LIME1: variants seen among roughly 807,000 people sequenced by gnomAD.
The protein encoded by LIME1 is Lck interacting transmembrane adaptor 1, also known as lck-interacting transmembrane adapter 1.
A neutral mutation model predicts 18.8 loss-of-function variants in LIME1; 23 were observed. That is an observed-to-expected ratio of 1.22 (90% CI 0.88 to 1.73). The LOEUF (loss-of-function observed/expected upper bound fraction) is 1.73. Ranked by LOEUF, LIME1 falls within the 40% of genes most tolerant of loss-of-function variation. LIME1 has a pLI of 0.00. For synonymous variants in LIME1, 177 were observed against 182.3 expected, an observed-to-expected ratio of 0.97 and a Z score of 0.23; for missense variants, 423 against 396.8, an observed-to-expected ratio of 1.07 and a Z score of -0.56.
At position 63,739,018 on chromosome 20, in the gene LIME1, G is replaced by T. The variant is rs549424555; in HGVS notation, c.*118G>T. 3.2e-6 allele frequency: 3 copies of T among 925,856 alleles called. No individual in the cohort carries two copies. Among genetic ancestry groups the T allele is most frequent in the African/African-American group, 3.4e-5 (2 of 58,948 alleles). The allele number at this position is 925,856 out of a possible 1,614,324, so 57.4% of individuals were successfully genotyped here. A position where few individuals can be genotyped will look rare whatever the true frequency, so the allele number is the denominator to read the frequency against. On this transcript the variant is annotated 3_prime_UTR_variant, in exon 6 of 6. Coordinates refer to ENST00000309546, the MANE Select transcript of LIME1 (RefSeq NM_017806.4). ...GGCTGCCAGCCCGTGAGGTCCGTGA[G>T]GTCCTGGCCGCTCTGACAGCCGCGG...
rs2092020428 is a variant in LIME1 at position 63,738,392 on chromosome 20, G to T, written c.478G>T (p.Ala160Ser). 8 of 1,556,188 alleles carry T rather than the reference G, an allele frequency of 5.1e-6. No individual in the cohort carries two copies. The highest frequency in any genetic ancestry group is 6.9e-6 in the Non-Finnish European group (8 of 1,151,292). Residue 160 changes from alanine to serine, a missense_variant, in exon 5 of 6, where the codon GCC becomes TCC. Transcript: ENST00000309546. ...LAALPGVSLAASPVVAEYARV... is the reference protein window; with the variant it reads ...LAALPGVSLASSPVVAEYARV... ...GGCCCTTCCCGGGGTCAGCCTGGCG[G>T]CCAGCCCTGTGGTGGCCGAGTATGC...
chr20:63,737,567 CTGGG>C lies in LIME1; in HGVS notation c.19_22del (p.Trp7ProfsTer8), dbSNP rs1378368912. 16 of 1,597,596 alleles carry C rather than the reference CTGGG, an allele frequency of 1.0e-5. No homozygotes were observed. Among genetic ancestry groups the C allele is most frequent in the Non-Finnish European group, 1.4e-5 (16 of 1,174,000 alleles). ...TTCACAGGATGGGGCTGCCAGTGTCCTGGGCCCCTCCTGCCCTCTGGGTTCTAGG... is the reference window on the plus strand; with the variant it reads ...TTCACAGGATGGGGCTGCCAGTGTCCCCCCTCCTGCCCTCTGGGTTCTAGG... On this transcript the variant is annotated frameshift_variant, in exon 2 of 6. Coordinates refer to ENST00000309546, the MANE Select transcript of LIME1 (RefSeq NM_017806.4). LOFTEE classifies it high-confidence loss of function.
Position 63,738,048 on chromosome 20 carries a change from C to A in LIME1, c.256C>A (p.Arg86Ser). The change falls in exon 4 of 6, where the codon CGC (arginine) becomes AGC (serine). Residue 86 changes from arginine to serine, a missense_variant. By Grantham distance (110) the Arg-to-Ser change is moderately radical. Transcript: ENST00000309546. ...ACTGCACGAGCTGCACCGGGGCCCG[C>A]GCAGCAGCAGGGGTGAGCAGAGGGC... ...TRLHELHRGP[R>S]SSRALRPASM... 1 of 1,538,486 alleles carries A rather than the reference C, an allele frequency of 6.5e-7. No homozygotes were observed. The highest frequency in any genetic ancestry group is 8.7e-7 in the Non-Finnish European group (1 of 1,146,364).
Position 63,737,603 on chromosome 20 carries a change from C to T in LIME1, c.54C>T (p.Cys18=). 6.2e-7 allele frequency: 1 copy of T among 1,603,932 alleles called. No individual in the cohort carries two copies. Among genetic ancestry groups the T allele is most frequent in the East Asian group, 2.3e-5 (1 of 44,128 alleles). ...APPALWVLGC[C]ALLLSLWALC... ...CTGCCCTCTGGGTTCTAGGGTGCTG[C>T]GCCCTGCTCCTCTCGCTGTGGGCGC... Residue 18 remains cysteine (C), a synonymous_variant, in exon 2 of 6, where the codon TGC becomes TGT. Coordinates refer to ENST00000309546, the MANE Select transcript of LIME1 (RefSeq NM_017806.4).
chr20:63,737,857 G>C lies in LIME1; in HGVS notation c.135G>C (p.Arg45=). 1 of 1,564,972 alleles carries C rather than the reference G, an allele frequency of 6.4e-7. No homozygotes were observed. The highest frequency in any genetic ancestry group is 8.6e-7 in the Non-Finnish European group (1 of 1,163,362). ...EDAVAPRKRA[R]RQRARLQGSA... is the part of the protein sequence containing the mutation. ...CTGTAGCCCCCAGGAAGAGGGCGCG[G>C]AGGCAGCGGGCGAGGCTGCAGGGCA... The change falls in exon 3 of 6, where the codon CGG becomes CGC. Residue 45 remains arginine (R), a synonymous_variant. Coordinates refer to ENST00000309546, the MANE Select transcript of LIME1 (RefSeq NM_017806.4).
intron 2 of LIME1, 34 bp from the exon 3 acceptor site, chr20:63,737,787 A>AGGCCCCC: frequency 7.6e-7 from 1 of 1,322,764 alleles, no homozygotes; most frequent in Non-Finnish European, 1.0e-6. Flanking sequence ...GAGGCTGACG[A>AGGCCCCC]CCCCGCCCCC....
At chr20:63,737,797 C>A (rs1229670118) in intron 2 of LIME1, 24 bp from the exon 3 acceptor site, 1 of 1,327,694 alleles carries the variant, frequency 7.5e-7, no homozygotes, top group South Asian at 1.5e-5. Flanking sequence ...ACCCCGCCCC[C>A]CGCCCCCCAC....
In LIME1 at chr20:63,737,520, C is replaced by T. The variant is rs2092004519; in HGVS notation, c.-17-13C>T. 2.0e-6 allele frequency: 3 copies of T among 1,485,478 alleles called. No individual in the cohort carries two copies. The highest frequency in any genetic ancestry group is 1.8e-6 in the Non-Finnish European group (2 of 1,120,320). The allele number at this position is 1,485,478 out of a possible 1,614,324, so 92.0% of individuals were successfully genotyped here. ...CTTGGCCAGCCCCCAGCGCCCCTTT[C>T]TTCTGTCCCCAGGGCCTCGGCTTCA... On this transcript the variant is annotated splice_polypyrimidine_tract_variant and intron_variant, in intron 1 of 5. Transcript: ENST00000309546.
In LIME1 at chr20:63,738,080, G is replaced by GGGGCGC. The variant is rs1399962962; in HGVS notation, c.268+25_268+26insCGGGCG. 3 of 1,527,206 alleles carry GGGGCGC rather than the reference G, an allele frequency of 2.0e-6. No individual in the cohort carries two copies. Among genetic ancestry groups the GGGGCGC allele is most frequent in the African/African-American group, 2.8e-5 (2 of 72,502 alleles). The allele number at this position is 1,527,206 out of a possible 1,614,324, so 94.6% of individuals were successfully genotyped here. On this transcript the variant is annotated intron_variant, in intron 4 of 5. Coordinates refer to ENST00000309546, the MANE Select transcript of LIME1 (RefSeq NM_017806.4). ...GCAGGGGTGAGCAGAGGGCGGGGCG[G>GGGGCGC]GGGCGGCCGGGCGGGGCTTACTGTG...
chr20:63,737,757 CT>C, intron 2 of LIME1, 63 bp from the exon 3 acceptor site: 1 of 1,418,184 alleles, frequency 7.1e-7, no homozygotes, highest in Middle Eastern at 2.5e-4. Flanking sequence ...GCACGCGCGC[CT>C]GCACCGGGCC....
Position 63,738,729 on chromosome 20 carries a change from G to A in LIME1, c.717G>A (p.Pro239=), listed in dbSNP as rs145795240. Residue 239 remains proline (P), a synonymous_variant, in exon 6 of 6, where the codon CCG becomes CCA. Transcript: ENST00000309546. Reference sequence around the variant, plus strand: ...GTGACCTGGCCTACCAGACCCTCCCGCTCAGGGCCCTGGATGTGGACAGCG... The same window carrying A: ...GTGACCTGGCCTACCAGACCCTCCCACTCAGGGCCCTGGATGTGGACAGCG... ...LAGDLAYQTL[P]LRALDVDSGP... 1.2e-4 allele frequency: 200 copies of A among 1,612,980 alleles called. No individual in the cohort carries two copies. In the African/African-American group the frequency reaches 2.3e-3, roughly 19 times the overall value.
chr20:63,735,917 T>C (rs775082825), upstream of LIME1: 2 of 1,611,458 alleles, frequency 1.2e-6, no homozygotes, highest in Non-Finnish European at 1.7e-6. Context: ...GACTGAGTTC[T>C]AGAGACCCCA....
At chr20:63,738,134 C>G in intron 4 of LIME1, 49 bp from the exon 5 acceptor site, 1 of 1,528,206 alleles carries the variant, frequency 6.5e-7, no homozygotes, top group South Asian at 1.2e-5. Context: ...GGGCCAGACC[C>G]GCTCCTGCCC....
rs773924642 is a variant in LIME1, at chr20:63,738,530, T to G, written c.585+31T>G. 5 of 1,507,078 alleles carry G rather than the reference T, an allele frequency of 3.3e-6. No homozygotes were observed. The South Asian group carries it at 6.7e-5, about 20-fold the overall frequency. 93.4% of individuals were successfully genotyped at this position (1,507,078 alleles called of 1,614,324 possible). On this transcript the variant is annotated intron_variant, in intron 5 of 5. Coordinates refer to ENST00000309546, the MANE Select transcript of LIME1 (RefSeq NM_017806.4). The stretch of plus-strand genomic sequence containing the variant: ...GTGGGCCAGGGTAGGGCGCTGTGGG[T>G]GGGGCCGGCAGATCCTCAGCAGGTT...
chr20:63,737,502 A>C (rs1175861929), intron 1 of LIME1, 31 bp from the exon 2 acceptor site: 1 of 1,440,860 alleles, frequency 6.9e-7, no homozygotes, highest in African/African-American at 1.5e-5. Flanking sequence ...CCCCTTGGCC[A>C]GCCCCCAGCG....
In LIME1 at chr20:63,736,696, C is replaced by A. The variant is rs952220492; in HGVS notation, c.-34C>A. 6 of 985,464 alleles carry A rather than the reference C, an allele frequency of 6.1e-6. No homozygotes were observed. Among genetic ancestry groups the A allele is most frequent in the African/African-American group, 3.5e-5 (2 of 57,186 alleles). 61.0% of individuals were successfully genotyped at this position (985,464 alleles called of 1,614,324 possible). ...GCCTGCCCCAGACAGAGCTGAGGACCCCTGGCCGTGGGCTTGGTAAGTGCC... is the reference window on the plus strand; with the variant it reads ...GCCTGCCCCAGACAGAGCTGAGGACACCTGGCCGTGGGCTTGGTAAGTGCC... On this transcript the variant is annotated 5_prime_UTR_variant, in exon 1 of 6. Transcript: ENST00000309546.
upstream of LIME1, chr20:63,736,653 T>C (rs1476794239): frequency 2.0e-6 from 2 of 985,796 alleles, no homozygotes; most frequent in Admixed American, 6.1e-5. Flanking sequence ...AGCCGAGGGC[T>C]GCACAAAGAC....
chr20:63,738,936 G>A lies in LIME1; in HGVS notation c.*36G>A, dbSNP rs2092025375. 3.4e-6 allele frequency: 5 copies of A among 1,467,420 alleles called. No individual in the cohort carries two copies. Among genetic ancestry groups the A allele is most frequent in the Non-Finnish European group, 4.5e-6 (5 of 1,103,726 alleles). The allele number at this position is 1,467,420 out of a possible 1,614,324, so 90.9% of individuals were successfully genotyped here. On this transcript the variant is annotated 3_prime_UTR_variant, in exon 6 of 6. Transcript: ENST00000309546. ...ACCTGTGCTCCTTCCTCCAGAGTGA[G>A]GCCCGTCCCCCGCCCCGCCCCGCCT...
Position 63,738,432 on chromosome 20 carries a change from G to A in LIME1, c.518G>A (p.Arg173His), listed in dbSNP as rs777618606. Residue 173 changes from arginine (R) to histidine (H), a missense_variant, in exon 5 of 6, where the codon CGC (arginine) becomes CAC (histidine). Physicochemically the swap from Arg to His is conservative, Grantham distance 29 (BLOSUM62 0). Coordinates refer to ENST00000309546, the MANE Select transcript of LIME1 (RefSeq NM_017806.4). Reference protein sequence around the residue: ...VVAEYARVQKRKGTHRSPQEP... With the variant: ...VVAEYARVQKHKGTHRSPQEP... ...GCCGAGTATGCCCGCGTCCAGAAGC[G>A]CAAAGGGACCCATCGCAGTCCCCAA... 6 of 1,541,796 alleles carry A rather than the reference G, an allele frequency of 3.9e-6. No homozygotes were observed. Among genetic ancestry groups the A allele is most frequent in the Non-Finnish European group, 5.2e-6 (6 of 1,144,740 alleles).
Sources: allele counts gnomAD v4.1 joint callset, GRCh38; gene constraint gnomAD v4.1.1; transcripts MANE v1.5; gene names NCBI Gene and HGNC (gene_info 2026-07-23, HGNC 2026-07-21).